The following ZHX3 variants were observed in gnomAD, a reference collection of about 807,000 sequenced individuals.
The protein encoded by ZHX3 is zinc fingers and homeoboxes 3.
A neutral mutation model predicts 64.5 loss-of-function variants in ZHX3; 20 were observed. The observed-to-expected ratio is 0.31, with a 90% CI of 0.22 to 0.45. The LOEUF (loss-of-function observed/expected upper bound fraction) is 0.45, where lower values mean the gene tolerates loss of function less well. Ranked by LOEUF, ZHX3 falls within the 20% of genes least tolerant of loss-of-function variation. The probability of loss-of-function intolerance (pLI) is 1.00; values close to 1 mark genes in which losing one functional copy is unlikely to be tolerated. For missense variants in ZHX3, 1,041 were observed against 1,195.8 expected (o/e 0.87, Z 1.91); for synonymous variants, 423 against 461.6 (o/e 0.92, Z 1.07).
At position 41,284,965 on chromosome 20, in the gene ZHX3, T is replaced by C. The variant is rs190917617; in HGVS notation, c.-244-15882A>G. ...TATCTGGTACACCTTTCTTCCTCCATATACTTCCTCTCCCATCCCTTGACT... is the reference window on the plus strand; with the variant it reads ...TATCTGGTACACCTTTCTTCCTCCACATACTTCCTCTCCCATCCCTTGACT... On this transcript the variant is annotated intron_variant, in intron 1 of 3. Transcript: ENST00000683867. Among the ~76,000 whole-genome samples the C allele has an allele frequency of 1.2e-4, 18 of 152,288 alleles. No homozygotes were observed. The East Asian group carries it at 2.9e-3, about 25-fold the overall frequency.
At chr20:41,272,723 G>T (rs936218619) in intron 1 of ZHX3, among the ~76,000 whole-genome samples, 2 of 152,106 alleles carry the variant, frequency 1.3e-5, no homozygotes, top group Non-Finnish European at 2.9e-5. Context: ...TCCAATTTAT[G>T]GCTGAAAAAT....
chr20:41,223,623 T>C (rs1029883125), intron 2 of ZHX3, among the ~76,000 whole-genome samples: 5 of 152,166 alleles, frequency 3.3e-5, no homozygotes, highest in African/African-American at 9.7e-5. Flanking sequence ...AAACTAATAA[T>C]AGTGTTTGCC....
intron 1 of ZHX3, among the ~76,000 whole-genome samples, chr20:41,301,665 C>T (rs13045210): frequency 6.6e-6 from 1 of 152,160 alleles, no homozygotes; most frequent in African/African-American, 2.4e-5. Context: ...TCACCCTTCT[C>T]AGAGCTCCCT....
intron 1 of ZHX3, among the ~76,000 whole-genome samples, chr20:41,291,941 G>A (rs1011375632): frequency 6.7e-6 from 1 of 148,528 alleles, no homozygotes; most frequent in African/African-American, 2.5e-5. Flanking sequence ...TATTTAGGAG[G>A]CTGAGGCTGG....
Position 41,297,543 on chromosome 20 carries a change from T to C in ZHX3, c.-245+19966A>G, listed in dbSNP as rs1017328510. On this transcript the variant is annotated intron_variant, in intron 1 of 3. Coordinates refer to ENST00000683867, the MANE Select transcript of ZHX3 (RefSeq NM_001384317.1). ...TCTTTCCTATTGTGCCATGGTTTCA[T>C]GTGGAGTTAGAAAATAGAGCACAAG... is the stretch of plus-strand genomic sequence containing the variant. 5.3e-5 allele frequency among the ~76,000 whole-genome samples: 8 copies of C among 152,328 alleles called. 1 individual carries two copies. In the South Asian group the frequency reaches 8.3e-4, roughly 16 times the overall value.
chr20:41,201,207 C>T lies in ZHX3; in HGVS notation c.2860+850G>A. Reference sequence around the variant, plus strand: ...TCTCCTGTACCCCCTCCCACATTGCCAACTCAGCTAGCAATGCTGCCATTT... The same window carrying T: ...TCTCCTGTACCCCCTCCCACATTGCTAACTCAGCTAGCAATGCTGCCATTT... On this transcript the variant is annotated intron_variant, in intron 3 of 3. Coordinates refer to ENST00000683867, the MANE Select transcript of ZHX3 (RefSeq NM_001384317.1). The surrounding 1 kb of genome is among the most constrained non-coding windows in gnomAD (Gnocchi z 5.0). 2.0e-6 allele frequency: 2 copies of T among 1,023,916 alleles called. No homozygotes were observed. The highest frequency in any genetic ancestry group is 2.6e-6 in the Non-Finnish European group (2 of 772,566). 63.4% of individuals were successfully genotyped at this position (1,023,916 alleles called of 1,614,324 possible).
At chr20:41,246,888 A>C (rs11477537) in intron 2 of ZHX3, among the ~76,000 whole-genome samples, 17,840 of 61,716 alleles carry the variant, frequency 0.29, 1,372 homozygotes, top group East Asian at 0.51. Context: ...AAAAAACCAA[A>C]CAAACAAACA....
chr20:41,239,434 A>G (rs2041238793), intron 2 of ZHX3, among the ~76,000 whole-genome samples: 1 of 152,308 alleles, frequency 6.6e-6, no homozygotes, highest in Non-Finnish European at 1.5e-5. Context: ...GGACACAGAG[A>G]GAGGGCCGTC....
chr20:41,181,447 C>G lies in ZHX3; in HGVS notation c.*3744G>C, dbSNP rs966615783. The G allele has an allele frequency of 6.6e-6, 1 of 152,172 alleles. No individual in the cohort carries two copies. Among genetic ancestry groups the G allele is most frequent in the Non-Finnish European group, 1.5e-5 (1 of 68,050 alleles). 9.4% of individuals were successfully genotyped at this position (152,172 alleles called of 1,614,324 possible). ...TTTGGTTTTAAAATTTTCTTCTTGG[C>G]TGGCTCTCCTCTCCTGCAAGTTGCC... On this transcript the variant is annotated 3_prime_UTR_variant, in exon 4 of 4. Transcript: ENST00000683867.
chr20:41,184,767 T>C lies in ZHX3; in HGVS notation c.*424A>G. 1.0e-6 allele frequency: 1 copy of C among 956,570 alleles called. No homozygotes were observed. The highest frequency in any genetic ancestry group is 1.5e-6 in the Non-Finnish European group (1 of 663,304). 59.3% of individuals were successfully genotyped at this position (956,570 alleles called of 1,614,324 possible). A position where few individuals can be genotyped will look rare whatever the true frequency, so the allele number is the denominator to read the frequency against. ...CCAGAGAACAGACACAGGTCATTTTTAGAGATGACGTAACTGACAATGCAC... is the reference window on the plus strand; with the variant it reads ...CCAGAGAACAGACACAGGTCATTTTCAGAGATGACGTAACTGACAATGCAC... On this transcript the variant is annotated 3_prime_UTR_variant, in exon 4 of 4. Transcript: ENST00000683867.
rs556517517 is a variant in ZHX3 at position 41,203,283 on chromosome 20, C to T, written c.1634G>A (p.Arg545His). Residue 545 changes from arginine (R) to histidine (H), a missense_variant, in exon 3 of 4, where the codon CGT becomes CAT. Transcript: ENST00000683867. The surrounding 1 kb of genome is among the most constrained non-coding windows in gnomAD (Gnocchi z 7.1). ...TREVRKWFSDRRYHCRNLKGS... is the reference protein window; with the variant it reads ...TREVRKWFSDHRYHCRNLKGS... ...CTTCAAGTTCCGGCAGTGGTATCTACGATCACTGAACCATTTCCGCACCTC... is the reference window on the plus strand; with the variant it reads ...CTTCAAGTTCCGGCAGTGGTATCTATGATCACTGAACCATTTCCGCACCTC... 60 of 1,614,156 alleles carry T rather than the reference C, an allele frequency of 3.7e-5. No homozygotes were observed. The highest frequency in any genetic ancestry group is 5.0e-5 in the Admixed American group (3 of 60,024).
At chr20:41,250,556 C>T (rs767381736) in intron 2 of ZHX3, among the ~76,000 whole-genome samples, 1 of 151,968 alleles carries the variant, frequency 6.6e-6, no homozygotes, top group Non-Finnish European at 1.5e-5. Context: ...ACTTATGAAA[C>T]AATAGCAAAA....
At chr20:41,297,622 A>C (rs1253689698) in intron 1 of ZHX3, among the ~76,000 whole-genome samples, 1 of 152,206 alleles carries the variant, frequency 6.6e-6, no homozygotes, top group Non-Finnish European at 1.5e-5. Flanking sequence ...AGTGGGAAAG[A>C]ATATGAAGTA....
At chr20:41,256,818 T>A (rs2042278769) in intron 2 of ZHX3, among the ~76,000 whole-genome samples, 1 of 151,862 alleles carries the variant, frequency 6.6e-6, no homozygotes, top group Admixed American at 6.6e-5. Flanking sequence ...ATAAAACCCT[T>A]AGCTTTTGCC....
intron 2 of ZHX3, among the ~76,000 whole-genome samples, chr20:41,207,957 A>G (rs1242034265): frequency 6.6e-6 from 1 of 152,220 alleles, no homozygotes. Context: ...AGACTAATAA[A>G]GAAGAAAAGA....
intron 2 of ZHX3, among the ~76,000 whole-genome samples, chr20:41,227,360 A>T (rs561294578): frequency 2.0e-5 from 3 of 152,346 alleles, no homozygotes; most frequent in African/African-American, 7.2e-5. Context: ...AACGCAATAA[A>T]GTCAATCATA....
intron 1 of ZHX3, among the ~76,000 whole-genome samples, chr20:41,316,197 T>G (rs564100475): frequency 2.0e-5 from 3 of 152,344 alleles, no homozygotes; most frequent in Non-Finnish European, 4.4e-5. Context: ...ATAGTGGCTC[T>G]GTCCTCTACA....
At chr20:41,274,296 A>G (rs1205776288) in intron 1 of ZHX3, among the ~76,000 whole-genome samples, 2 of 152,332 alleles carry the variant, frequency 1.3e-5, no homozygotes, top group East Asian at 1.9e-4. Context: ...TTGTTCACTG[A>G]TAAGAGTTAA....
chr20:41,249,703 C>T (rs981816024), intron 2 of ZHX3, among the ~76,000 whole-genome samples: 4 of 152,184 alleles, frequency 2.6e-5, no homozygotes, highest in Admixed American at 6.5e-5. Context: ...ACCCTGTCAC[C>T]GTTCAGACAA....
Sources: allele counts gnomAD v4.1 joint callset (sites outside exome capture counted in the v4.1 genomes callset), GRCh38; gene constraint gnomAD v4.1.1; non-coding constraint Gnocchi (gnomAD v3.1); transcripts MANE v1.5; gene names NCBI Gene and HGNC (gene_info 2026-07-23, HGNC 2026-07-21).